The following NFATC1 variants were observed in gnomAD, a reference collection of about 807,000 sequenced individuals.
NFATC1 encodes the protein nuclear factor of activated T cells 1, also known as nuclear factor of activated T-cells, cytoplasmic 1.
A neutral mutation model predicts 76.0 loss-of-function variants in NFATC1; 22 were observed. That is an observed-to-expected ratio of 0.29 (90% confidence interval 0.21 to 0.41). The LOEUF is 0.41. NFATC1 is among the 10% of genes least tolerant of loss of function. NFATC1 has a pLI of 1.00. For synonymous variants in NFATC1, 704 were observed against 613.1 expected (o/e 1.15, Z -2.19); for missense variants, 1,357 against 1,337.7 (o/e 1.01, Z -0.23).
chr18:79,403,856 C>T (rs1429807091), intron 1 of NFATC1, among the ~76,000 whole-genome samples: 1 of 152,234 alleles, frequency 6.6e-6, no homozygotes, highest in East Asian at 1.9e-4. Flanking sequence ...GGGGCTGTGG[C>T]AGGAAACCCG....
At chr18:79,396,686 G>A (rs1311321744) in intron 1 of NFATC1, among the ~76,000 whole-genome samples, 1 of 152,222 alleles carries the variant, frequency 6.6e-6, no homozygotes, top group Non-Finnish European at 1.5e-5. Context: ...ACCACAGAGG[G>A]CACGTGGGAG....
intron 1 of NFATC1, chr18:79,402,473 G>A (rs971857975): frequency 1.5e-4 from 130 of 863,568 alleles, no homozygotes; most frequent in Non-Finnish European, 1.8e-4. Flanking sequence ...CCTCACCCTC[G>A]CAGGCACCCT....
intron 6 of NFATC1, among the ~76,000 whole-genome samples, chr18:79,454,244 G>A (rs189277603): frequency 6.6e-6 from 1 of 152,356 alleles, no homozygotes; most frequent in East Asian, 1.9e-4. Flanking sequence ...TGTTGGGAAT[G>A]TTGGCTCTGG....
chr18:79,439,362 G>A (rs757055520), intron 3 of NFATC1, among the ~76,000 whole-genome samples: 2 of 152,310 alleles, frequency 1.3e-5, no homozygotes, highest in Non-Finnish European at 1.5e-5. Flanking sequence ...CAGGAGCCAC[G>A]CAGAGGCCCA....
At position 79,410,631 on chromosome 18, in the gene NFATC1, G is replaced by T; in HGVS notation, c.356G>T (p.Arg119Leu). The change falls in exon 2 of 10, where the codon CGC (arginine) becomes CTC (leucine). Residue 119 changes from arginine (R) to leucine (L), a missense_variant. Physicochemically the swap from Arg to Leu is moderately radical, Grantham distance 102. Transcript: ENST00000427363. The surrounding 1 kb of genome is among the most constrained non-coding windows in gnomAD (Gnocchi z 6.7). ...PDGAPALESP[R>L]IEITSCLGLY... is the part of the protein sequence containing the mutation. ...GGGGCCCCTGCCCTGGAGAGTCCTC[G>T]CATCGAGATAACCTCGTGCTTGGGC... The T allele has an allele frequency of 1.9e-6, 3 of 1,613,086 alleles. No homozygotes were observed. The highest frequency in any genetic ancestry group is 1.7e-6 in the Non-Finnish European group (2 of 1,179,986).
At chr18:79,400,737 G>A (rs1180364744) in intron 1 of NFATC1, among the ~76,000 whole-genome samples, 23 of 139,094 alleles carry the variant, frequency 1.7e-4, no homozygotes, top group African/African-American at 6.2e-4. Flanking sequence ...CCGGACAGAG[G>A]GCTGGTGGCG....
chr18:79,474,249 C>T (rs1314133631), intron 8 of NFATC1, among the ~76,000 whole-genome samples: 5 of 106,380 alleles, frequency 4.7e-5, no homozygotes, highest in South Asian at 3.3e-4. Context: ...CGTGTTCTCG[C>T]GCTCACTGTC....
intron 8 of NFATC1, among the ~76,000 whole-genome samples, chr18:79,480,691 C>T (rs747592266): frequency 6.6e-6 from 1 of 152,220 alleles, no homozygotes; most frequent in Non-Finnish European, 1.5e-5. Context: ...CCGGTTGCCC[C>T]AGCCCCAGCG....
intron 8 of NFATC1, among the ~76,000 whole-genome samples, chr18:79,483,918 G>A: frequency 6.8e-6 from 1 of 148,008 alleles, no homozygotes. Flanking sequence ...TGGTTCCTGG[G>A]GTGTCACTCC....
intron 9 of NFATC1, among the ~76,000 whole-genome samples, chr18:79,499,123 A>G (rs1243965216): frequency 6.6e-6 from 1 of 152,260 alleles, no homozygotes; most frequent in African/African-American, 2.4e-5. Flanking sequence ...AACTGATGTA[A>G]AAGGAAACTG....
chr18:79,500,817 G>C (rs886312493), intron 9 of NFATC1, among the ~76,000 whole-genome samples: 5 of 152,082 alleles, frequency 3.3e-5, no homozygotes, highest in Admixed American at 2.6e-4. Flanking sequence ...AAGTATAATA[G>C]ACCTATAGCA....
At chr18:79,503,416 G>A (rs934562997) in intron 9 of NFATC1, among the ~76,000 whole-genome samples, 3 of 152,226 alleles carry the variant, frequency 2.0e-5, no homozygotes, top group Admixed American at 2.0e-4. Context: ...TTGTACCTGC[G>A]TGGGGTGACC....
At position 79,396,186 on chromosome 18, in the gene NFATC1, C is replaced by A; in HGVS notation, c.-39C>A. On this transcript the variant is annotated 5_prime_UTR_variant, in exon 1 of 10. Transcript: ENST00000427363. ...GCGCGGGGCGGCCGCTTCTCCTGTG[C>A]CTCCGCCCGCCGCTCCACTCCCCGC... 7.0e-7 allele frequency: 1 copy of A among 1,434,940 alleles called. No homozygotes were observed. Among genetic ancestry groups the A allele is most frequent in the Non-Finnish European group, 9.2e-7 (1 of 1,082,206 alleles). The allele number at this position is 1,434,940 out of a possible 1,614,324, so 88.9% of individuals were successfully genotyped here.
chr18:79,431,752 G>T (rs1041662678), intron 2 of NFATC1, among the ~76,000 whole-genome samples: 3 of 152,096 alleles, frequency 2.0e-5, no homozygotes, highest in Admixed American at 6.5e-5. Flanking sequence ...GCCAAGGCTG[G>T]AGTGCAGTGG....
intron 1 of NFATC1, among the ~76,000 whole-genome samples, chr18:79,396,724 A>G (rs2085017766): frequency 6.6e-6 from 1 of 151,960 alleles, no homozygotes; most frequent in Non-Finnish European, 1.5e-5. Context: ...CTTGGGAGTG[A>G]AGGATGCCCC....
chr18:79,458,295 C>T (rs1449492939), intron 6 of NFATC1, among the ~76,000 whole-genome samples: 3 of 150,876 alleles, frequency 2.0e-5, no homozygotes, highest in African/African-American at 7.4e-5. Flanking sequence ...GTGCACGGCA[C>T]GAGGACGCCG....
At chr18:79,416,437 T>G (rs2085877883) in intron 2 of NFATC1, among the ~76,000 whole-genome samples, 1 of 152,054 alleles carries the variant, frequency 6.6e-6, no homozygotes, top group African/African-American at 2.4e-5. Context: ...AGCTCCCAGG[T>G]CCTGTAGTGG....
intron 3 of NFATC1, among the ~76,000 whole-genome samples, chr18:79,436,122 C>T (rs922231642): frequency 2.0e-4 from 30 of 152,188 alleles, no homozygotes; most frequent in African/African-American, 6.0e-4. Context: ...TCTCAGTTGC[C>T]GTGGAAGCTC....
chr18:79,417,157 AGATGGGCTGTGGCG>A (rs1208808024), intron 2 of NFATC1, among the ~76,000 whole-genome samples: 2 of 111,996 alleles, frequency 1.8e-5, no homozygotes, highest in Non-Finnish European at 1.9e-5. Context: ...CTGTGGCGGG[AGATGGGCTGTGGCG>A]GGAGATGGGC....
Sources: allele counts gnomAD v4.1 joint callset (sites outside exome capture counted in the v4.1 genomes callset), GRCh38; gene constraint gnomAD v4.1.1; non-coding constraint Gnocchi (gnomAD v3.1); transcripts MANE v1.5; gene names NCBI Gene and HGNC (gene_info 2026-07-23, HGNC 2026-07-21).